The following KIAA0930 variants were observed in gnomAD, a reference collection of about 807,000 sequenced individuals.
KIAA0930 encodes the protein uncharacterized protein KIAA0930.
KIAA0930 carries 24 observed loss-of-function variants against 43.9 expected under a neutral mutation model. That is an observed-to-expected ratio of 0.55 (90% confidence interval 0.40 to 0.77). KIAA0930 has a LOEUF of 0.77. Ranked by LOEUF, KIAA0930 falls within the 30% of genes least tolerant of loss-of-function variation. KIAA0930 has a pLI of 0.00. For synonymous variants in KIAA0930, 259 were observed against 216.4 expected (o/e 1.20, Z -1.73); for missense variants, 461 against 574.2 (o/e 0.80, Z 2.02).
intron 1 of KIAA0930, among the ~76,000 whole-genome samples, chr22:45,227,851 C>T (rs1353851098): frequency 3.9e-5 from 6 of 152,156 alleles, no homozygotes; most frequent in Non-Finnish European, 7.3e-5. Context: ...GCGGATCCAT[C>T]GGGGTTTGCT....
At chr22:45,218,865 G>C (rs1477696543) in intron 1 of KIAA0930, among the ~76,000 whole-genome samples, 1 of 152,146 alleles carries the variant, frequency 6.6e-6, no homozygotes, top group Non-Finnish European at 1.5e-5. Context: ...GCTCACAGGG[G>C]CCACTCTGAG....
chr22:45,214,365 A>C (rs935722724), intron 1 of KIAA0930, among the ~76,000 whole-genome samples: 3 of 152,224 alleles, frequency 2.0e-5, no homozygotes, highest in Non-Finnish European at 2.9e-5. Flanking sequence ...ACAAACTGGA[A>C]ACCAGGAGAA....
In KIAA0930 at chr22:45,205,690, G is replaced by A. The variant is rs758883903; in HGVS notation, c.354C>T (p.Thr118=). 1.9e-6 allele frequency: 3 copies of A among 1,614,050 alleles called. No individual in the cohort carries two copies. The highest frequency in any genetic ancestry group is 1.3e-5 in the African/African-American group (1 of 74,928). Reference sequence around the variant, plus strand: ...CGTCAGCACGTGTGCACACCGCACAGGTCACCATGTAGTCCAGCTGGAAGA... The same window carrying A: ...CGTCAGCACGTGTGCACACCGCACAAGTCACCATGTAGTCCAGCTGGAAGA... ...LILQKLDYMV[T]CAVCTRADGG... The change falls in exon 4 of 10, where the codon ACC becomes ACT. Residue 118 remains threonine, a synonymous_variant. Coordinates refer to ENST00000336156, the MANE Select transcript of KIAA0930 (RefSeq NM_001009880.2).
Position 45,205,308 on chromosome 22 carries a change from G to A in KIAA0930, c.425C>T (p.Ala142Val), listed in dbSNP as rs1262641468. The A allele has an allele frequency of 3.1e-6, 5 of 1,613,676 alleles. No individual in the cohort carries two copies. Among genetic ancestry groups the A allele is most frequent in the South Asian group, 1.1e-5 (1 of 91,076 alleles). The change falls in exon 5 of 10, where the codon GCG becomes GTG. Residue 142 changes from alanine to valine, a missense_variant. By Grantham distance (64) the Ala-to-Val change is moderately conservative (BLOSUM62 0). Coordinates refer to ENST00000336156, the MANE Select transcript of KIAA0930 (RefSeq NM_001009880.2). Reference sequence around the variant, plus strand: ...GTCCATGGGGTGTTTACTGGGGGACGCGAACACTTGCTGGAAGAAAGCAGA... The same window carrying A: ...GTCCATGGGGTGTTTACTGGGGGACACGAACACTTGCTGGAAGAAAGCAGA... ...IHKKKSQQVF[A>V]SPSKHPMDSK...
chr22:45,202,953 G>C, intron 7 of KIAA0930, 37 bp downstream of exon 7: 1 of 1,530,834 alleles, frequency 6.5e-7, no homozygotes, highest in East Asian at 2.3e-5. Context: ...TGAACTTGAC[G>C]GATGGGAGCC....
intron 1 of KIAA0930, among the ~76,000 whole-genome samples, chr22:45,224,349 C>T (rs75258136): frequency 0.02 from 3,090 of 152,316 alleles, 104 homozygotes; most frequent in African/African-American, 0.07. Flanking sequence ...AGAATAACTT[C>T]GTCCTGTTTT....
At position 45,203,169 on chromosome 22, in the gene KIAA0930, G is replaced by C. The variant is rs370431927; in HGVS notation, c.673C>G (p.Arg225Gly). The C allele has an allele frequency of 6.2e-7, 1 of 1,604,044 alleles. No homozygotes were observed. Among genetic ancestry groups the C allele is most frequent in the African/African-American group, 1.3e-5 (1 of 74,684 alleles). Residue 225 changes from arginine to glycine, a missense_variant, in exon 7 of 10, where the codon CGC becomes GGC. Transcript: ENST00000336156. Reference sequence around the variant, plus strand: ...CCAAACGACATCTTCTGTGCCATGCGGGCGGCCACGCTCACCTGGGGGCCG... The same window carrying C: ...CCAAACGACATCTTCTGTGCCATGCCGGCGGCCACGCTCACCTGGGGGCCG... ...VYDNRVSVAA[R>G]MAQKMSFGFY...
At chr22:45,213,002 T>C (rs1333037805) in intron 1 of KIAA0930, among the ~76,000 whole-genome samples, 1 of 152,162 alleles carries the variant, frequency 6.6e-6, no homozygotes, top group Non-Finnish European at 1.5e-5. Flanking sequence ...CGGGTCTGCT[T>C]TTGTTTTCTG....
intron 1 of KIAA0930, among the ~76,000 whole-genome samples, chr22:45,221,349 C>T (rs935122676): frequency 3.3e-5 from 5 of 152,180 alleles, no homozygotes; most frequent in Admixed American, 6.5e-5. Context: ...AAAGAAATGG[C>T]ATGCCATGGC....
intron 1 of KIAA0930, among the ~76,000 whole-genome samples, chr22:45,233,590 C>T (rs2083867894): frequency 6.6e-6 from 1 of 152,072 alleles, no homozygotes; most frequent in Non-Finnish European, 1.5e-5. Context: ...GCCCGGGTGC[C>T]CACCCGGGTG....
In KIAA0930 at chr22:45,205,880, G is replaced by A. The variant is rs762657764; in HGVS notation, c.249C>T (p.Tyr83=). Residue 83 remains tyrosine (Y), a synonymous_variant, in exon 3 of 10, where the codon TAC becomes TAT. Transcript: ENST00000336156. The part of the protein sequence containing the change: ...AAEPEVEVEV[Y]RRDSKKLPGL... The stretch of plus-strand genomic sequence containing the variant: ...CTGGCAGCTTCTTGGAGTCCCGCCG[G>A]TACACCTCCACCTCCACCTCAGGCT... 5.0e-6 allele frequency: 8 copies of A among 1,612,380 alleles called. No homozygotes were observed. The South Asian group carries it at 7.7e-5, about 16-fold the overall frequency.
At chr22:45,235,644 T>A (rs1457495730) in intron 1 of KIAA0930, among the ~76,000 whole-genome samples, 1 of 152,166 alleles carries the variant, frequency 6.6e-6, no homozygotes, top group Non-Finnish European at 1.5e-5. Flanking sequence ...CTGCGCCAGG[T>A]GCTTTGTATC....
intron 2 of KIAA0930, among the ~76,000 whole-genome samples, chr22:45,208,246 G>A (rs918996352): frequency 6.6e-6 from 1 of 151,236 alleles, no homozygotes; most frequent in Middle Eastern, 3.4e-3. Flanking sequence ...AACATGACAT[G>A]CGGAGAAAGA....
At chr22:45,234,406 A>C (rs1207479907) in intron 1 of KIAA0930, among the ~76,000 whole-genome samples, 1 of 152,228 alleles carries the variant, frequency 6.6e-6, no homozygotes, top group Non-Finnish European at 1.5e-5. Flanking sequence ...GCATGGGCCC[A>C]AAGTCTAGTC....
rs1241952506 is a variant in KIAA0930, at chr22:45,205,270, C to A, written c.463G>T (p.Glu155Ter). 6.2e-7 allele frequency: 1 copy of A among 1,614,226 alleles called. No homozygotes were observed. Among genetic ancestry groups the A allele is most frequent in the Non-Finnish European group, 8.5e-7 (1 of 1,180,046 alleles). Residue 155 changes from glutamate (E) to a stop codon, truncating the protein, a stop_gained, in exon 5 of 10, where the codon GAG (glutamate) becomes TAG (stop). Transcript: ENST00000336156. LOFTEE classifies it high-confidence loss of function. ...SKHPMDSKGE[E>*]SKISYPNIFF... ...ATGTTGGGGTAGCTGATCTTGGACT[C>A]CTCCCCCTTGCTGTCCATGGGGTGT...
chr22:45,210,665 G>A (rs981931042), intron 2 of KIAA0930, among the ~76,000 whole-genome samples: 1 of 150,946 alleles, frequency 6.6e-6, no homozygotes, highest in Non-Finnish European at 1.5e-5. Flanking sequence ...AGCAGGTTCT[G>A]AGGAGCCCTG....
chr22:45,211,872 G>T, intron 2 of KIAA0930, 84 bp downstream of exon 2: 1 of 1,390,302 alleles, frequency 7.2e-7, no homozygotes, highest in Non-Finnish European at 9.9e-7. Flanking sequence ...GAGCACTGTA[G>T]GAAAGCCCAC....
chr22:45,233,951 GC>G (rs1397836460), intron 1 of KIAA0930, among the ~76,000 whole-genome samples: 1 of 152,218 alleles, frequency 6.6e-6, no homozygotes, highest in Non-Finnish European at 1.5e-5. Context: ...GAAGAGCGGG[GC>G]TGGGGCTGCA....
Position 45,238,074 on chromosome 22 carries a change from C to T in KIAA0930, c.64+2566G>A, listed in dbSNP as rs186720680. On this transcript the variant is annotated intron_variant, in intron 1 of 9. Transcript: ENST00000336156. Reference sequence around the variant, plus strand: ...TAGCTGCGACTATAGGCGCCCGCCACCACGCCTGGCTAATTTTTTTTTTTG... The same window carrying T: ...TAGCTGCGACTATAGGCGCCCGCCATCACGCCTGGCTAATTTTTTTTTTTG... Among the ~76,000 whole-genome samples, 583 of 152,156 alleles carry T rather than the reference C, an allele frequency of 3.8e-3. 5 individuals carry two copies. Among genetic ancestry groups the T allele is most frequent in the South Asian group, 0.028 (134 of 4,810 alleles).
Sources: allele counts gnomAD v4.1 joint callset (sites outside exome capture counted in the v4.1 genomes callset), GRCh38; gene constraint gnomAD v4.1.1; transcripts MANE v1.5; gene names NCBI Gene and HGNC (gene_info 2026-07-23, HGNC 2026-07-21).